The following GALNT12 variants were observed in gnomAD, a reference collection of about 807,000 sequenced individuals.
The protein encoded by GALNT12 is polypeptide N-acetylgalactosaminyltransferase 12.
Under a neutral mutation model 55.5 loss-of-function variants are expected in GALNT12, and 45 were observed. The ratio of observed to expected loss-of-function variants is 0.81; its 90% CI spans 0.64 to 1.04. The LOEUF (loss-of-function observed/expected upper bound fraction) is 1.04, where lower values mean the gene tolerates loss of function less well. Ranked by LOEUF, GALNT12 falls within the 50% of genes least tolerant of loss-of-function variation. GALNT12 has a pLI of 0.00. For synonymous variants in GALNT12, 304 were observed against 312.2 expected (o/e 0.97, Z 0.28); for missense variants, 709 against 754.8 (o/e 0.94, Z 0.71).
intron 7 of GALNT12, among the ~76,000 whole-genome samples, chr9:98,840,839 T>A (rs1224729688): frequency 6.6e-6 from 1 of 152,232 alleles, no homozygotes; most frequent in Non-Finnish European, 1.5e-5. Flanking sequence ...TCTTTCTCTC[T>A]CCTGTACTTC....
chr9:98,813,456 A>G (rs980290265), intron 1 of GALNT12, among the ~76,000 whole-genome samples: 4 of 152,190 alleles, frequency 2.6e-5, no homozygotes, highest in Admixed American at 2.0e-4. Context: ...CTTCATGAAG[A>G]AGACTTCTTT....
chr9:98,819,429 CATGCTT>C (rs747506126), intron 1 of GALNT12, among the ~76,000 whole-genome samples: 12 of 152,210 alleles, frequency 7.9e-5, no homozygotes, highest in Non-Finnish European at 1.3e-4. Context: ...CCAGAGCTTT[CATGCTT>C]CCAGCCTGGG....
chr9:98,831,576 C>T (rs552712072), intron 3 of GALNT12, among the ~76,000 whole-genome samples, 196 bp from the exon 4 acceptor site: 82 of 152,142 alleles, frequency 5.4e-4, no homozygotes, highest in African/African-American at 1.8e-3. Flanking sequence ...TCCGTGGCCC[C>T]CAGATCTCCC....
chr9:98,835,097 G>A (rs1371481038), intron 4 of GALNT12, 152 bp from the exon 5 acceptor site: 9 of 725,084 alleles, frequency 1.2e-5, no homozygotes, highest in South Asian at 1.2e-4. Flanking sequence ...TATGCCTCCA[G>A]GCCCAGCCTA....
In GALNT12 at chr9:98,844,229, G is replaced by A. The variant is rs761463316; in HGVS notation, c.1458+20G>A. On this transcript the variant is annotated intron_variant, in intron 8 of 9. Transcript: ENST00000375011. ...AATCAGGTAGGTATGAGCCTCAAAA[G>A]AGGAGAAAGCTGTGTGTTTTGTTAA... is the stretch of plus-strand genomic sequence containing the variant. The A allele has an allele frequency of 7.1e-7, 1 of 1,399,714 alleles. No homozygotes were observed. Among genetic ancestry groups the A allele is most frequent in the East Asian group, 2.3e-5 (1 of 43,856 alleles). 86.7% of individuals were successfully genotyped at this position (1,399,714 alleles called of 1,614,324 possible). A position where few individuals can be genotyped will look rare whatever the true frequency, so the allele number is the denominator to read the frequency against.
chr9:98,821,101 T>C (rs1165959146), intron 1 of GALNT12, among the ~76,000 whole-genome samples: 1 of 152,180 alleles, frequency 6.6e-6, no homozygotes, highest in Non-Finnish European at 1.5e-5. Context: ...CTCCATCTCC[T>C]GGGGTTCAAG....
At chr9:98,824,850 T>G (rs1835823674) in intron 2 of GALNT12, among the ~76,000 whole-genome samples, 1 of 152,184 alleles carries the variant, frequency 6.6e-6, no homozygotes, top group Non-Finnish European at 1.5e-5. Flanking sequence ...AGCCGGCACA[T>G]AGTAGGTGCT....
In GALNT12 at chr9:98,811,771, C is replaced by T. The variant is rs1326786441; in HGVS notation, c.371+3702C>T. 2.0e-5 allele frequency among the ~76,000 whole-genome samples: 3 copies of T among 151,622 alleles called. No individual in the cohort carries two copies. The East Asian group carries it at 5.8e-4, about 29-fold the overall frequency. On this transcript the variant is annotated intron_variant, in intron 1 of 9. Transcript: ENST00000375011. ...GATCTTGGCTCACTGCAACCTCCAC[C>T]TCCTGGGTTCAAGCCATTCTCCTGC... is the stretch of plus-strand genomic sequence containing the variant.
intron 1 of GALNT12, among the ~76,000 whole-genome samples, chr9:98,815,140 T>G (rs532663803): frequency 1.9e-4 from 29 of 152,306 alleles, no homozygotes; most frequent in Admixed American, 6.5e-4. Context: ...GAGAAAGTGT[T>G]TTTTTCTGGA....
chr9:98,835,797 A>G (rs1836128341), intron 5 of GALNT12, among the ~76,000 whole-genome samples: 1 of 151,432 alleles, frequency 6.6e-6, no homozygotes, highest in African/African-American at 2.4e-5. Context: ...GCGCAGTGGC[A>G]CGATCTCAGC....
intron 5 of GALNT12, 123 bp from the exon 6 acceptor site, chr9:98,836,849 A>C (rs770937381): frequency 2.9e-6 from 3 of 1,039,728 alleles, no homozygotes; most frequent in Non-Finnish European, 4.5e-6. Context: ...TGCCCGATGG[A>C]GGCTGAGCAT....
chr9:98,823,520 T>A, intron 2 of GALNT12, 95 bp downstream of exon 2: 2 of 1,063,584 alleles, frequency 1.9e-6, no homozygotes, highest in Non-Finnish European at 1.5e-6. Context: ...GTAGGCCCAG[T>A]AAGGATGGGC....
chr9:98,840,249 C>T, intron 7 of GALNT12, 116 bp downstream of exon 7: 2 of 1,261,406 alleles, frequency 1.6e-6, no homozygotes, highest in South Asian at 1.2e-5. Context: ...CCTCCACTCC[C>T]ACCCGCCTGC....
intron 6 of GALNT12, among the ~76,000 whole-genome samples, chr9:98,838,280 A>G (rs1373615634): frequency 2.6e-5 from 4 of 152,068 alleles, no homozygotes; most frequent in Admixed American, 1.3e-4. Context: ...ACCATATGTC[A>G]TGGTCATGGA....
At chr9:98,808,102 C>T (rs1835418962) in intron 1 of GALNT12, 33 bp downstream of exon 1, 1 of 1,521,166 alleles carries the variant, frequency 6.6e-7, no homozygotes, top group African/African-American at 1.4e-5. Flanking sequence ...GAAGCCCGCC[C>T]TCAGAGCCCC....
rs1588452568 is a variant in GALNT12, at chr9:98,835,367, G to GT, written c.1035+2dup. The GT allele has an allele frequency of 1.9e-6, 3 of 1,547,602 alleles. No homozygotes were observed. Among genetic ancestry groups the GT allele is most frequent in the South Asian group, 1.1e-5 (1 of 89,616 alleles). ...AGAAAACCTCGAATTTTCCTTTAGG[G>GT]TAAGTATTTCAGTCTTCTCTTTGGA... is the stretch of plus-strand genomic sequence containing the variant. On this transcript the variant is annotated splice_donor_variant, in intron 5 of 9. Coordinates refer to ENST00000375011, the MANE Select transcript of GALNT12 (RefSeq NM_024642.5). LOFTEE classifies it high-confidence loss of function.
chr9:98,822,681 G>T (rs2118350497), intron 1 of GALNT12, among the ~76,000 whole-genome samples: 1 of 152,324 alleles, frequency 6.6e-6, no homozygotes, highest in Middle Eastern at 3.4e-3. Flanking sequence ...TGGATGCTGG[G>T]AGAGGGTAGG....
intron 3 of GALNT12, among the ~76,000 whole-genome samples, chr9:98,829,796 A>G (rs886276520): frequency 1.3e-5 from 2 of 152,236 alleles, no homozygotes; most frequent in African/African-American, 4.8e-5. Context: ...TGCAAATGAC[A>G]GCATCTCATT....
At chr9:98,818,333 C>T (rs983034712) in intron 1 of GALNT12, among the ~76,000 whole-genome samples, 3 of 152,128 alleles carry the variant, frequency 2.0e-5, no homozygotes, top group Non-Finnish European at 4.4e-5. Flanking sequence ...AGCCATTCTC[C>T]TGCCTCAGCC....
Sources: gnomAD v4.1 joint callset for allele counts (sites outside exome capture counted in the v4.1 genomes callset) on GRCh38, gnomAD v4.1.1 for gene constraint, MANE v1.5 for transcripts, NCBI Gene and HGNC (gene_info 2026-07-23, HGNC 2026-07-21) for gene names.